Variants in VIM observed in about 807,000 individuals in gnomAD.
VIM encodes epididymis secretory sperm binding protein.
Under a neutral mutation model 50.3 loss-of-function variants are expected in VIM, and 18 were observed. The observed-to-expected ratio is 0.36, with a 90% CI of 0.25 to 0.53. VIM has a LOEUF of 0.53. VIM is among the 20% of genes least tolerant of loss of function. VIM has a pLI of 0.91. For missense variants in VIM, 551 were observed against 614.7 expected (o/e 0.90, Z 1.10); for synonymous variants, 245 against 248.5 (o/e 0.99, Z 0.13).
chr10:17,228,789 C>G (rs558028385), intron 1 of VIM: 2 of 154,184 alleles, frequency 1.3e-5, no homozygotes, highest in Non-Finnish European at 2.9e-5. Context: ...GCGCCCCCAC[C>G]CCGCGTTCCA....
At chr10:17,232,377 A>G (rs1358664076) in intron 3 of VIM, among the ~76,000 whole-genome samples, 1 of 152,242 alleles carries the variant, frequency 6.6e-6, no homozygotes, top group African/African-American at 2.4e-5. Context: ...ATAAAATCTT[A>G]GTTGCAAGAT....
intron 2 of VIM, chr10:17,230,381 G>GGACC: frequency 1.7e-6 from 1 of 578,534 alleles, no homozygotes; most frequent in Non-Finnish European, 3.1e-6. Context: ...GGCGGTGGAG[G>GGACC]GAGCGAGACA....
At chr10:17,235,968 T>A in intron 8 of VIM, 79 bp downstream of exon 8, 3 of 1,460,430 alleles carry the variant, frequency 2.1e-6, no homozygotes, top group Non-Finnish European at 2.9e-6. Flanking sequence ...TCATTTTTTT[T>A]AGGATATCTG....
intron 9 of VIM, 90 bp downstream of exon 9, chr10:17,236,469 G>A (rs1162097825): frequency 9.0e-7 from 1 of 1,116,678 alleles, no homozygotes; most frequent in Non-Finnish European, 1.4e-6. Flanking sequence ...GATACAGCTG[G>A]CTAATTTGAG....
intron 2 of VIM, 67 bp from the exon 3 acceptor site, chr10:17,230,576 GTGGTGTT>G (rs1186524462): frequency 6.6e-7 from 1 of 1,517,610 alleles, no homozygotes; most frequent in East Asian, 2.3e-5. Context: ...GAGCGAATAC[GTGGTGTT>G]TGGGTGTGGC....
rs1418730821 is a variant in VIM, at chr10:17,228,352, G to C, written c.-320G>C. 1 of 152,192 alleles carries C rather than the reference G, an allele frequency of 6.6e-6. No individual in the cohort carries two copies. Among genetic ancestry groups the C allele is most frequent in the Admixed American group, 6.5e-5 (1 of 15,282 alleles). 9.4% of individuals were successfully genotyped at this position (152,192 alleles called of 1,614,324 possible). A position where few individuals can be genotyped will look rare whatever the true frequency, so the allele number is the denominator to read the frequency against. On this transcript the variant is annotated 5_prime_UTR_variant, in exon 1 of 10. Transcript: ENST00000544301. ...AGCGAGTTATTAAAAACTTAGGGGC[G>C]CTCTTGTCCCCCACAGGGCCCGACC...
chr10:17,234,150 C>T (rs574649057), intron 5 of VIM: 3 of 551,928 alleles, frequency 5.4e-6, no homozygotes, highest in Non-Finnish European at 3.1e-6. Flanking sequence ...GAGTCTTGCT[C>T]TACTGCCCAG....
chr10:17,235,581 A>G (rs1846873532), intron 7 of VIM, 192 bp downstream of exon 7: 1 of 739,458 alleles, frequency 1.4e-6, no homozygotes, highest in Admixed American at 2.3e-5. Context: ...AATCAACAGC[A>G]GAGCTGGGAT....
At position 17,235,002 on chromosome 10, in the gene VIM, A is replaced by G. The variant is rs1007679596; in HGVS notation, c.1009-167A>G. 40 of 1,174,236 alleles carry G rather than the reference A, an allele frequency of 3.4e-5. No homozygotes were observed. In the East Asian group the frequency reaches 8.9e-4, roughly 26 times the overall value. The allele number at this position is 1,174,236 out of a possible 1,614,324, so 72.7% of individuals were successfully genotyped here. On this transcript the variant is annotated intron_variant, in intron 6 of 9. Transcript: ENST00000544301. ...CTCTTGAAGGTTTTAGCTTGCCTAT[A>G]TCATTGCTTCTAATATGAAGGACTT... is the stretch of plus-strand genomic sequence containing the variant.
rs754952038 is a variant in VIM, at chr10:17,229,959, C to G, written c.537C>G (p.Ala179=). The G allele has an allele frequency of 1.6e-5, 26 of 1,612,422 alleles. No homozygotes were observed. Among genetic ancestry groups the G allele is most frequent in the South Asian group, 8.8e-5 (8 of 90,858 alleles). ...TCGAGGTGGAGCGCGACAACCTGGC[C>G]GAGGACATCATGCGCCTCCGGGAGA... ...ARVEVERDNL[A]EDIMRLREKL... Residue 179 remains alanine (A), a synonymous_variant, in exon 2 of 10, where the codon GCC becomes GCG. Transcript: ENST00000544301.
At chr10:17,233,313 CAT>C (rs1485609462) in intron 3 of VIM, 1 of 427,960 alleles carries the variant, frequency 2.3e-6, no homozygotes, top group African/African-American at 2.0e-5. Context: ...TGCAGTTTAC[CAT>C]GTGTGTGGAC....
rs1367516245 is a variant in VIM at position 17,229,569 on chromosome 10, C to A, written c.147C>A (p.Ser49Arg). The change falls in exon 2 of 10, where the codon AGC becomes AGA. Residue 49 changes from serine to arginine, a missense_variant. Physicochemically the swap from Ser to Arg is moderately radical, Grantham distance 110. Coordinates refer to ENST00000544301, the MANE Select transcript of VIM (RefSeq NM_003380.5). The stretch of plus-strand genomic sequence containing the variant: ...GCAGCGCGCTGCGCCCCAGCACCAG[C>A]CGCAGCCTCTACGCCTCGTCCCCGG... ...SLGSALRPSTSRSLYASSPGG... is the reference protein window; with the variant it reads ...SLGSALRPSTRRSLYASSPGG... 1 of 1,608,974 alleles carries A rather than the reference C, an allele frequency of 6.2e-7. No homozygotes were observed. Among genetic ancestry groups the A allele is most frequent in the Non-Finnish European group, 8.5e-7 (1 of 1,178,690 alleles).
Position 17,233,810 on chromosome 10 carries a change from T to C in VIM, c.761T>C (p.Val254Ala), listed in dbSNP as rs2131682481. ...CAGGCTCAGATTCAGGAACAGCATG[T>C]CCAAATCGATGTGGATGTTTCCAAG... ...ELQAQIQEQH[V>A]QIDVDVSKPD... is the part of the protein sequence containing the mutation. The change falls in exon 5 of 10, where the codon GTC becomes GCC. Residue 254 changes from valine to alanine, a missense_variant. Transcript: ENST00000544301. 6.2e-7 allele frequency: 1 copy of C among 1,614,194 alleles called. No individual in the cohort carries two copies. Among genetic ancestry groups the C allele is most frequent in the East Asian group, 2.2e-5 (1 of 44,870 alleles).
chr10:17,237,258 A>G lies in VIM; in HGVS notation c.1388A>G (p.Asp463Gly), dbSNP rs775956508. Residue 463 changes from aspartate to glycine, a missense_variant, in exon 10 of 10, where the codon GAT becomes GGT. Transcript: ENST00000544301. Reference protein sequence around the residue: ...QVINETSQHHDDLE With the variant: ...QVINETSQHHGDLE ...ATCAACGAAACTTCTCAGCATCACG[A>G]TGACCTTGAATAAAAATTGCACACA... 3 of 1,606,678 alleles carry G rather than the reference A, an allele frequency of 1.9e-6. No individual in the cohort carries two copies. The highest frequency in any genetic ancestry group is 1.7e-5 in the Admixed American group (1 of 59,522).
chr10:17,230,788 A>T, intron 3 of VIM, 78 bp downstream of exon 3: 1 of 1,564,714 alleles, frequency 6.4e-7, no homozygotes, highest in East Asian at 2.2e-5. Flanking sequence ...AAGTTGCTTA[A>T]CTCACGTCTA....
chr10:17,235,455 C>G, intron 7 of VIM, 66 bp downstream of exon 7: 1 of 1,536,272 alleles, frequency 6.5e-7, no homozygotes, highest in Non-Finnish European at 9.0e-7. Context: ...TGCCACTGGG[C>G]TCTAAGCAGT....
intron 2 of VIM, chr10:17,230,382 G>A: frequency 5.2e-6 from 3 of 579,246 alleles, no homozygotes; most frequent in Non-Finnish European, 9.3e-6. Flanking sequence ...GCGGTGGAGG[G>A]AGCGAGACAA....
intron 6 of VIM, 38 bp from the exon 7 acceptor site, chr10:17,235,131 T>C: frequency 1.2e-6 from 2 of 1,611,520 alleles, no homozygotes; most frequent in Non-Finnish European, 8.5e-7. Context: ...TGGGTTTTTC[T>C]GAGAAATAAC....
Position 17,229,957 on chromosome 10 carries a change from G to A in VIM, c.535G>A (p.Ala179Thr), listed in dbSNP as rs1200409133. The stretch of plus-strand genomic sequence containing the variant: ...CGTCGAGGTGGAGCGCGACAACCTG[G>A]CCGAGGACATCATGCGCCTCCGGGA... Reference protein sequence around the residue: ...ARVEVERDNLAEDIMRLREKL... With the variant: ...ARVEVERDNLTEDIMRLREKL... The change falls in exon 2 of 10, where the codon GCC (alanine) becomes ACC (threonine). Residue 179 changes from alanine to threonine, a missense_variant. By Grantham distance (58) the Ala-to-Thr change is moderately conservative. Around this residue, in one of 3 missense-constraint regions of VIM, gnomAD observed 394 missense variants for 437.5 expected, o/e 0.90. Transcript: ENST00000544301. 1.2e-6 allele frequency: 2 copies of A among 1,612,540 alleles called. No homozygotes were observed. The highest frequency in any genetic ancestry group is 1.7e-6 in the Non-Finnish European group (2 of 1,179,776).
Sources: gnomAD v4.1 joint callset for allele counts (sites outside exome capture counted in the v4.1 genomes callset) on GRCh38, gnomAD v4.1.1 for gene constraint, gnomAD v4.1.1 regional missense constraint, MANE v1.5 for transcripts, NCBI Gene and HGNC (gene_info 2026-07-23, HGNC 2026-07-21) for gene names.